CBLN2: variants seen among roughly 807,000 people sequenced by gnomAD.
CBLN2 encodes the protein cerebellin-2.
In CBLN2, 7 loss-of-function variants were observed where a neutral mutation model predicts 15.0. That is an observed-to-expected ratio of 0.47 (90% CI 0.27 to 0.88). The LOEUF is 0.88. Ranked by LOEUF, CBLN2 falls within the 40% of genes least tolerant of loss-of-function variation. The pLI is 0.14. For missense variants in CBLN2, 242 were observed against 304.5 expected (o/e 0.79, Z 1.53); for synonymous variants, 149 against 135.2 (o/e 1.10, Z -0.71).
intron 1 of CBLN2, among the ~76,000 whole-genome samples, chr18:72,622,331 T>A (rs1382941665): frequency 6.6e-6 from 1 of 151,982 alleles, no homozygotes; most frequent in African/African-American, 2.4e-5. Flanking sequence ...TATTTGAGAA[T>A]GATGCTCATT....
intron 1 of CBLN2, among the ~76,000 whole-genome samples, chr18:72,560,267 A>G (rs980178253): frequency 6.6e-6 from 1 of 152,182 alleles, no homozygotes; most frequent in African/African-American, 2.4e-5. Flanking sequence ...GACAGAGATC[A>G]TCTGTGCACG....
chr18:72,575,850 T>C (rs1415553187), intron 1 of CBLN2, among the ~76,000 whole-genome samples: 1 of 152,064 alleles, frequency 6.6e-6, no homozygotes, highest in Non-Finnish European at 1.5e-5. Context: ...TTAATTTTGT[T>C]TGCCAATTGC....
At chr18:72,634,904 C>G (rs1160754259) in intron 1 of CBLN2, among the ~76,000 whole-genome samples, 1 of 152,094 alleles carries the variant, frequency 6.6e-6, no homozygotes, top group African/African-American at 2.4e-5. Context: ...GCAAAATGAA[C>G]CACGCAGTTT....
At chr18:72,572,856 T>C (rs2069341011) in intron 1 of CBLN2, among the ~76,000 whole-genome samples, 1 of 151,944 alleles carries the variant, frequency 6.6e-6, no homozygotes, top group African/African-American at 2.4e-5. Context: ...TTTTATTATA[T>C]ATAAAAAACA....
intron 1 of CBLN2, among the ~76,000 whole-genome samples, chr18:72,573,943 A>G (rs928358767): frequency 2.0e-5 from 3 of 152,132 alleles, no homozygotes; most frequent in Non-Finnish European, 1.5e-5. Context: ...CCTTGCCAGC[A>G]TTTGCTGTTT....
chr18:72,625,244 G>A (rs2069728177), intron 1 of CBLN2: 1 of 152,104 alleles, frequency 6.6e-6, no homozygotes, highest in Non-Finnish European at 1.5e-5. Flanking sequence ...ACCGCCGGCT[G>A]AGCCATAACT....
intron 1 of CBLN2, among the ~76,000 whole-genome samples, chr18:72,584,889 C>T (rs1481453340): frequency 6.6e-6 from 1 of 152,312 alleles, no homozygotes; most frequent in African/African-American, 2.4e-5. Flanking sequence ...GCCTGGCAGG[C>T]TGTGCTCAGC....
chr18:72,620,184 A>C (rs925692679), intron 1 of CBLN2: 2 of 152,234 alleles, frequency 1.3e-5, no homozygotes, highest in Non-Finnish European at 2.9e-5. Flanking sequence ...ACAGCTCAGT[A>C]AGCCCTTTGC....
chr18:72,619,090 A>G (rs2069682440), intron 1 of CBLN2: 1 of 747,962 alleles, frequency 1.3e-6, no homozygotes, highest in Admixed American at 1.7e-5. Context: ...GGACCCATGA[A>G]GAGAGTAAAT....
chr18:72,568,810 C>T lies in CBLN2; in HGVS notation c.16-30038G>A, dbSNP rs543799411. Among the ~76,000 whole-genome samples, 3 of 152,106 alleles carry T rather than the reference C, an allele frequency of 2.0e-5. No individual in the cohort carries two copies. The South Asian group carries it at 6.2e-4, about 32-fold the overall frequency. ...TATACCACAAAATTGGCAAGTGCTA[C>T]AATGCAGGGTTTGATTTGTTGTTTT... On this transcript the variant is annotated intron_variant, in intron 1 of 2. Transcript: ENST00000581073.
intron 1 of CBLN2, among the ~76,000 whole-genome samples, chr18:72,636,501 G>C (rs189182661): frequency 7.9e-5 from 12 of 152,188 alleles, no homozygotes; most frequent in Middle Eastern, 6.8e-3. Flanking sequence ...TATCAAATTT[G>C]GGTCATTTCA....
At chr18:72,625,965 T>C (rs1184291062) in intron 1 of CBLN2, among the ~76,000 whole-genome samples, 3 of 151,404 alleles carry the variant, frequency 2.0e-5, no homozygotes, top group Non-Finnish European at 4.4e-5. Flanking sequence ...CACAATTTGT[T>C]TTCATATTTT....
chr18:72,557,855 C>T (rs180945567), intron 1 of CBLN2, among the ~76,000 whole-genome samples: 1 of 152,260 alleles, frequency 6.6e-6, no homozygotes, highest in Admixed American at 6.5e-5. Context: ...GCCACCACGG[C>T]ACATGTTTAC....
chr18:72,614,692 A>G (rs2144958415), intron 1 of CBLN2, among the ~76,000 whole-genome samples: 1 of 152,286 alleles, frequency 6.6e-6, no homozygotes, highest in South Asian at 2.1e-4. Context: ...CTGATTTAAC[A>G]TGATATTAAA....
At chr18:72,608,911 C>T (rs185899138) in intron 1 of CBLN2, among the ~76,000 whole-genome samples, 1 of 152,250 alleles carries the variant, frequency 6.6e-6, no homozygotes, top group Admixed American at 6.5e-5. Context: ...GGAGCTTGTG[C>T]AGGGGAACTC....
intron 1 of CBLN2, among the ~76,000 whole-genome samples, chr18:72,557,714 T>C (rs768825080): frequency 3.9e-5 from 6 of 151,966 alleles, no homozygotes; most frequent in Non-Finnish European, 7.4e-5. Context: ...TGAGAACACA[T>C]GGACACAGGG....
chr18:72,620,549 A>G (rs972488288), intron 1 of CBLN2: 1 of 152,138 alleles, frequency 6.6e-6, no homozygotes. Flanking sequence ...TCTCTGACTG[A>G]GTCTGGGGTC....
chr18:72,540,082 T>C (rs1445699626), intron 3 of CBLN2: 1 of 152,178 alleles, frequency 6.6e-6, no homozygotes, highest in Non-Finnish European at 1.5e-5. Flanking sequence ...AGACAGACAC[T>C]CTGGGTTCCA....
chr18:72,606,134 A>G (rs2069581942), intron 1 of CBLN2, among the ~76,000 whole-genome samples: 1 of 152,214 alleles, frequency 6.6e-6, no homozygotes, highest in African/African-American at 2.4e-5. Flanking sequence ...TCTTTAGGAT[A>G]CCTTCAGAGA....
Sources: allele counts gnomAD v4.1 joint callset (sites outside exome capture counted in the v4.1 genomes callset), GRCh38; gene constraint gnomAD v4.1.1; transcripts MANE v1.5; gene names NCBI Gene and HGNC (gene_info 2026-07-23, HGNC 2026-07-21).